ZNF644: variants seen among roughly 807,000 people sequenced by gnomAD.
The protein encoded by ZNF644 is zinc finger motif enhancer binding protein 2.
A neutral mutation model predicts 108.0 loss-of-function variants in ZNF644; 20 were observed. The observed-to-expected ratio is 0.19, with a 90% confidence interval of 0.13 to 0.27. ZNF644 has a LOEUF of 0.27. ZNF644 is among the 10% of genes least tolerant of loss of function. ZNF644 has a pLI of 1.00. For missense variants in ZNF644, 1,338 were observed against 1,548.9 expected, an observed-to-expected ratio of 0.86 and a Z score of 2.29; for synonymous variants, 542 against 539.1, an observed-to-expected ratio of 1.01 and a Z score of -0.08.
chr1:91,009,605 A>G (rs1478886826), intron 1 of ZNF644, among the ~76,000 whole-genome samples: 1 of 152,204 alleles, frequency 6.6e-6, no homozygotes, highest in East Asian at 1.9e-4. Context: ...CTCCAATACA[A>G]ATTATAATGT....
chr1:90,961,079 G>C (rs972478359), intron 2 of ZNF644, among the ~76,000 whole-genome samples: 1 of 152,134 alleles, frequency 6.6e-6, no homozygotes, highest in African/African-American at 2.4e-5. Context: ...ATGGAGGAAA[G>C]AATAAAAAGC....
intron 1 of ZNF644, among the ~76,000 whole-genome samples, chr1:91,018,333 A>G (rs1353026505): frequency 6.6e-6 from 1 of 152,196 alleles, no homozygotes; most frequent in Non-Finnish European, 1.5e-5. Flanking sequence ...CACCACTTCT[A>G]GAACTGCTTC....
At chr1:90,921,733 C>T (rs1275894796) in intron 4 of ZNF644, among the ~76,000 whole-genome samples, 1 of 143,790 alleles carries the variant, frequency 7.0e-6, no homozygotes, top group Non-Finnish European at 1.5e-5. Context: ...GCTGTAAGGT[C>T]AAATGCAAAA....
At chr1:90,985,449 C>T (rs1447083971) in intron 1 of ZNF644, among the ~76,000 whole-genome samples, 1 of 152,132 alleles carries the variant, frequency 6.6e-6, no homozygotes, top group East Asian at 1.9e-4. Context: ...TCAACATCTC[C>T]TCTTGCCCCA....
chr1:90,962,375 T>C (rs1429072327), intron 2 of ZNF644, among the ~76,000 whole-genome samples: 1 of 152,024 alleles, frequency 6.6e-6, no homozygotes, highest in African/African-American at 2.4e-5. Flanking sequence ...ACTTTATTTA[T>C]GCCAAAGCTG....
intron 1 of ZNF644, among the ~76,000 whole-genome samples, chr1:91,014,007 C>A (rs942123044): frequency 5.3e-5 from 8 of 152,044 alleles, no homozygotes; most frequent in African/African-American, 1.9e-4. Context: ...GCAGTGCTGA[C>A]CTATACAATC....
rs532661596 is a variant in ZNF644, at chr1:91,016,475, C to T, written c.-18+5515G>A. 2.0e-5 allele frequency among the ~76,000 whole-genome samples: 3 copies of T among 152,276 alleles called. No homozygotes were observed. The East Asian group carries it at 5.8e-4, about 29-fold the overall frequency. Reference sequence around the variant, plus strand: ...AAGCATGTTATTGTACTGAATACCACACACAACTGTAACATAACTGTTTAG... The same window carrying T: ...AAGCATGTTATTGTACTGAATACCATACACAACTGTAACATAACTGTTTAG... On this transcript the variant is annotated intron_variant, in intron 1 of 5. Transcript: ENST00000337393.
chr1:90,940,984 A>G lies in ZNF644; in HGVS notation c.370T>C (p.Ser124Pro). 1 of 1,614,080 alleles carries G rather than the reference A, an allele frequency of 6.2e-7. No individual in the cohort carries two copies. Among genetic ancestry groups the G allele is most frequent in the Non-Finnish European group, 8.5e-7 (1 of 1,179,988 alleles). The change falls in exon 3 of 6, where the codon TCC becomes CCC. Residue 124 changes from serine to proline, a missense_variant. By Grantham distance (74) the Ser-to-Pro change is moderately conservative. This residue lies in a region of ZNF644 where 464 missense variants were observed against 457.9 expected (regional missense o/e 1.01). Coordinates refer to ENST00000337393, the MANE Select transcript of ZNF644 (RefSeq NM_201269.3). ...AAVNGPVSHS[S>P]LTKTSNMNKG... ...TTCATATTGGAAGTCTTAGTTAAGG[A>G]GGAGTGTGAAACTGGTCCATTAACA...
At chr1:91,010,109 A>G (rs1368166543) in intron 1 of ZNF644, among the ~76,000 whole-genome samples, 1 of 151,966 alleles carries the variant, frequency 6.6e-6, no homozygotes, top group Non-Finnish European at 1.5e-5. Context: ...CTTATTTCCA[A>G]TTTCTAATCC....
intron 2 of ZNF644, among the ~76,000 whole-genome samples, chr1:90,944,420 C>T (rs560524092): frequency 2.6e-5 from 4 of 151,950 alleles, no homozygotes; most frequent in Non-Finnish European, 4.4e-5. Context: ...AAAAAAAATC[C>T]GATTAAATAT....
At position 90,916,396 on chromosome 1, in the gene ZNF644, A is replaced by G. The variant is rs1236737413; in HGVS notation, c.*402T>C. On this transcript the variant is annotated 3_prime_UTR_variant, in exon 6 of 6. Coordinates refer to ENST00000337393, the MANE Select transcript of ZNF644 (RefSeq NM_201269.3). ...TATACAAAACACTAAATACATACAA[A>G]CAAAATATAATATCTTATTTTTCTA... The G allele has an allele frequency of 4.8e-6, 1 of 210,516 alleles. No homozygotes were observed. The highest frequency in any genetic ancestry group is 9.7e-6 in the Non-Finnish European group (1 of 103,452). 13.0% of individuals were successfully genotyped at this position (210,516 alleles called of 1,614,324 possible). A position where few individuals can be genotyped will look rare whatever the true frequency, so the allele number is the denominator to read the frequency against.
At chr1:90,935,194 C>G (rs1284976905) in intron 4 of ZNF644, among the ~76,000 whole-genome samples, 2 of 151,884 alleles carry the variant, frequency 1.3e-5, no homozygotes, top group East Asian at 3.9e-4. Flanking sequence ...TTTTTTTCCC[C>G]CAAATTAAGT....
At chr1:90,959,059 TCAA>T (rs925190248) in intron 2 of ZNF644, among the ~76,000 whole-genome samples, 3 of 151,854 alleles carry the variant, frequency 2.0e-5, no homozygotes, top group Admixed American at 6.6e-5. Flanking sequence ...CATAAAAAAC[TCAA>T]CAACAAAAAG....
chr1:91,012,718 C>A (rs1029966836), intron 1 of ZNF644, among the ~76,000 whole-genome samples: 1 of 152,040 alleles, frequency 6.6e-6, no homozygotes, highest in African/African-American at 2.4e-5. Context: ...GCTTTTTTTA[C>A]ATCCTCTTCT....
At position 90,938,268 on chromosome 1, in the gene ZNF644, T is replaced by C. The variant is rs1481435073; in HGVS notation, c.3082+4A>G. 2 of 1,613,984 alleles carry C rather than the reference T, an allele frequency of 1.2e-6. No homozygotes were observed. The highest frequency in any genetic ancestry group is 2.2e-5 in the East Asian group (1 of 44,880). ...AGCCCAAATCATCCCCATGGAGAAC[T>C]TACCTTTTCTAACTCGTTTAACAGG... On this transcript the variant is annotated splice_donor_region_variant and intron_variant, in intron 3 of 5. Coordinates refer to ENST00000337393, the MANE Select transcript of ZNF644 (RefSeq NM_201269.3). The surrounding 1 kb of genome is among the most constrained non-coding windows in gnomAD (Gnocchi z 4.2).
rs181773481 is a variant in ZNF644 at position 90,959,611 on chromosome 1, A to G, written c.45-18302T>C. Reference sequence around the variant, plus strand: ...CAACTTGCCAAGTAAAAGAAGCCAGACACAAAAAGTCACATATTCTATGGT... The same window carrying G: ...CAACTTGCCAAGTAAAAGAAGCCAGGCACAAAAAGTCACATATTCTATGGT... On this transcript the variant is annotated intron_variant, in intron 2 of 5. Coordinates refer to ENST00000337393, the MANE Select transcript of ZNF644 (RefSeq NM_201269.3). Among the ~76,000 whole-genome samples the G allele has an allele frequency of 1.1e-4, 17 of 152,326 alleles. No homozygotes were observed. In the East Asian group the frequency reaches 2.5e-3, roughly 22 times the overall value.
chr1:90,938,199 C>G lies in ZNF644; in HGVS notation c.3082+73G>C, dbSNP rs1404443493. The G allele has an allele frequency of 6.2e-7, 1 of 1,609,486 alleles. No homozygotes were observed. The highest frequency in any genetic ancestry group is 8.5e-7 in the Non-Finnish European group (1 of 1,176,968). ...TTATGATTCTAATAAAGACTAAATT[C>G]AAAAAAAACTTTTAAATCTTCAGAA... On this transcript the variant is annotated intron_variant, in intron 3 of 5. Coordinates refer to ENST00000337393, the MANE Select transcript of ZNF644 (RefSeq NM_201269.3). This position sits in a 1 kb window ranked among gnomAD's most constrained non-coding sequence, Gnocchi z 4.2.
intron 1 of ZNF644, chr1:91,020,899 T>G (rs1660848716): frequency 6.6e-6 from 1 of 152,236 alleles, no homozygotes; most frequent in Non-Finnish European, 1.5e-5. Flanking sequence ...CCCCCAATTA[T>G]GTTTATCCCC....
Position 90,941,051 on chromosome 1 carries a change from A to T in ZNF644, c.303T>A (p.Pro101=), listed in dbSNP as rs1316209562. 6 of 1,614,170 alleles carry T rather than the reference A, an allele frequency of 3.7e-6. No homozygotes were observed. The highest frequency in any genetic ancestry group is 5.1e-6 in the Non-Finnish European group (6 of 1,179,986). The change falls in exon 3 of 6, where the codon CCT becomes CCA. Residue 101 remains proline, a synonymous_variant. Coordinates refer to ENST00000337393, the MANE Select transcript of ZNF644 (RefSeq NM_201269.3). ...QSSLFIHAGA[P]TVSSENFILP... Reference sequence around the variant, plus strand: ...AGATAAAGTTTTCACTAGAAACAGTAGGAGCACCAGCATGTATAAATAGAC... The same window carrying T: ...AGATAAAGTTTTCACTAGAAACAGTTGGAGCACCAGCATGTATAAATAGAC...
Sources: allele counts gnomAD v4.1 joint callset (sites outside exome capture counted in the v4.1 genomes callset), GRCh38; gene constraint gnomAD v4.1.1; regional missense constraint gnomAD v4.1.1; non-coding constraint Gnocchi (gnomAD v3.1); transcripts MANE v1.5; gene names NCBI Gene and HGNC (gene_info 2026-07-23, HGNC 2026-07-21).